The following FAF1 variants were observed in gnomAD, a reference collection of about 807,000 sequenced individuals.
The protein encoded by FAF1 is FAS-associated factor 1.
In FAF1, 25 loss-of-function variants were observed where a neutral mutation model predicts 92.5. The observed-to-expected ratio is 0.27, with a 90% CI of 0.20 to 0.38. FAF1 has a LOEUF of 0.38. Ranked by LOEUF, FAF1 falls within the 10% of genes least tolerant of loss-of-function variation. The probability of loss-of-function intolerance (pLI) is 1.00; values close to 1 mark genes in which losing one functional copy is unlikely to be tolerated. For synonymous variants in FAF1, 234 were observed against 273.2 expected, an observed-to-expected ratio of 0.86 and a Z score of 1.42; for missense variants, 636 against 793.3, an observed-to-expected ratio of 0.80 and a Z score of 2.38.
chr1:50,579,937 ATCGTTAATT>A (rs1329959763), intron 12 of FAF1, among the ~76,000 whole-genome samples: 2 of 152,218 alleles, frequency 1.3e-5, no homozygotes, highest in Non-Finnish European at 2.9e-5. Flanking sequence ...TTAGAGAATT[ATCGTTAATT>A]TTGTTATATG....
chr1:50,863,790 C>A (rs549875233), intron 1 of FAF1, among the ~76,000 whole-genome samples: 223 of 152,102 alleles, frequency 1.5e-3, no homozygotes, highest in African/African-American at 5.1e-3. Flanking sequence ...ACCAGTTCCT[C>A]CTTGTACCTC....
At chr1:50,731,912 T>C (rs965493786) in intron 6 of FAF1, among the ~76,000 whole-genome samples, 13 of 152,126 alleles carry the variant, frequency 8.5e-5, no homozygotes, top group African/African-American at 3.1e-4. Flanking sequence ...TTTTATTGCA[T>C]AATGACCAGA....
chr1:50,457,724 CAAA>C (rs35479561), intron 18 of FAF1, among the ~76,000 whole-genome samples: 5 of 56,562 alleles, frequency 8.8e-5, no homozygotes, highest in Admixed American at 4.3e-4. Context: ...CCCATCTCTG[CAAA>C]AAAAAAAAAA....
At chr1:50,885,996 CCT>C (rs1381624155) in intron 1 of FAF1, among the ~76,000 whole-genome samples, 11 of 152,124 alleles carry the variant, frequency 7.2e-5, no homozygotes, top group South Asian at 6.2e-4. Context: ...CATCAGCCCC[CCT>C]CTTTTTAACT....
intron 7 of FAF1, among the ~76,000 whole-genome samples, chr1:50,656,087 G>A (rs955295028): frequency 6.6e-5 from 10 of 152,028 alleles, no homozygotes; most frequent in African/African-American, 1.9e-4. Context: ...ATCCCAGGAC[G>A]TTGGGAGGCC....
chr1:50,637,148 A>G (rs1040665561), intron 8 of FAF1, among the ~76,000 whole-genome samples: 3 of 151,730 alleles, frequency 2.0e-5, no homozygotes, highest in Admixed American at 2.0e-4. Context: ...TTTGAAAACT[A>G]TTTTAGGCTG....
chr1:50,619,689 T>C (rs1447214347), intron 8 of FAF1, among the ~76,000 whole-genome samples: 1 of 152,160 alleles, frequency 6.6e-6, no homozygotes, highest in Non-Finnish European at 1.5e-5. Context: ...TTCTTTTACA[T>C]TGACCTTGGT....
chr1:50,934,757 T>C (rs1360705856), intron 1 of FAF1, among the ~76,000 whole-genome samples: 1 of 152,154 alleles, frequency 6.6e-6, no homozygotes, highest in Non-Finnish European at 1.5e-5. Context: ...AATTTTAAAG[T>C]CTTCACTTTT....
chr1:50,739,128 T>A (rs1659260112), intron 5 of FAF1, among the ~76,000 whole-genome samples, 174 bp from the exon 6 acceptor site: 1 of 151,938 alleles, frequency 6.6e-6, no homozygotes, highest in Non-Finnish European at 1.5e-5. Flanking sequence ...ATTGCCCATA[T>A]ATATAATATA....
chr1:50,852,868 T>C (rs1273062695), intron 2 of FAF1, among the ~76,000 whole-genome samples: 1 of 152,038 alleles, frequency 6.6e-6, no homozygotes, highest in East Asian at 1.9e-4. Context: ...GAAGAGACAA[T>C]AGAAGATGGA....
In FAF1 at chr1:50,490,624, C is replaced by G. The variant is rs769359233; in HGVS notation, c.1617G>C (p.Leu539Phe). 2 of 1,613,284 alleles carry G rather than the reference C, an allele frequency of 1.2e-6. No homozygotes were observed. The highest frequency in any genetic ancestry group is 1.7e-6 in the Non-Finnish European group (2 of 1,179,310). ...HEREMAEQFR[L>F]EQIRKEQEEE... ...CTTCTTGTTCTTTGCGAATCTGCTC[C>G]AAACGAAACTGTTCTGCCATCTCTC... Residue 539 changes from leucine to phenylalanine, a missense_variant, in exon 17 of 19, where the codon TTG (leucine) becomes TTC (phenylalanine). Leu to Phe is a conservative substitution (Grantham distance 22, BLOSUM62 0). This residue lies in a region of FAF1 where 319 missense variants were observed against 451.0 expected (regional missense o/e 0.71). Coordinates refer to ENST00000396153, the MANE Select transcript of FAF1 (RefSeq NM_007051.3).
intron 4 of FAF1, among the ~76,000 whole-genome samples, chr1:50,746,665 G>A (rs1659635018): frequency 6.6e-6 from 1 of 152,122 alleles, no homozygotes; most frequent in African/African-American, 2.4e-5. Flanking sequence ...GCCCAGTTAT[G>A]TGGTAGAAAA....
chr1:50,536,105 G>GA (rs974023299), intron 14 of FAF1, among the ~76,000 whole-genome samples: 3 of 151,932 alleles, frequency 2.0e-5, no homozygotes, highest in African/African-American at 4.8e-5. Flanking sequence ...TTCAATTTCT[G>GA]AAAAAAAGAT....
chr1:50,559,460 A>T (rs922080689), intron 13 of FAF1, among the ~76,000 whole-genome samples: 3 of 152,178 alleles, frequency 2.0e-5, no homozygotes. Flanking sequence ...TGACTTGCTG[A>T]CAAAGAGATA....
chr1:50,781,705 ACTCTT>A (rs1031921426), intron 4 of FAF1, among the ~76,000 whole-genome samples: 7 of 152,160 alleles, frequency 4.6e-5, no homozygotes, highest in African/African-American at 1.7e-4. Flanking sequence ...CAGAATACAC[ACTCTT>A]CTCAAGTGCA....
At chr1:50,510,499 C>T (rs1647120616) in intron 15 of FAF1, among the ~76,000 whole-genome samples, 1 of 152,018 alleles carries the variant, frequency 6.6e-6, no homozygotes, top group South Asian at 2.1e-4. Context: ...TGAACATGAG[C>T]CTCAGGTCTC....
At chr1:50,738,124 T>A (rs1049978545) in intron 6 of FAF1, among the ~76,000 whole-genome samples, 1 of 152,132 alleles carries the variant, frequency 6.6e-6, no homozygotes, top group Admixed American at 6.5e-5. Context: ...AATGAGACCC[T>A]CTATTCCAGA....
At chr1:50,634,660 G>A (rs2124219462) in intron 8 of FAF1, among the ~76,000 whole-genome samples, 1 of 152,314 alleles carries the variant, frequency 6.6e-6, no homozygotes, top group East Asian at 1.9e-4. Context: ...TCTGGAGAAA[G>A]CAGTAATATG....
chr1:50,697,712 A>G (rs901905251), intron 7 of FAF1, among the ~76,000 whole-genome samples: 3 of 152,188 alleles, frequency 2.0e-5, no homozygotes, highest in African/African-American at 7.2e-5. Flanking sequence ...TGGTCACGCA[A>G]TGACCACAAA....
Sources: allele counts gnomAD v4.1 joint callset (sites outside exome capture counted in the v4.1 genomes callset), GRCh38; gene constraint gnomAD v4.1.1; regional missense constraint gnomAD v4.1.1; transcripts MANE v1.5; gene names NCBI Gene and HGNC (gene_info 2026-07-23, HGNC 2026-07-21).